The following UNC13C variants were observed in gnomAD, a reference collection of about 807,000 sequenced individuals.
UNC13C encodes protein unc-13 homolog C.
A neutral mutation model predicts 245.4 loss-of-function variants in UNC13C; 174 were observed. The observed-to-expected ratio is 0.71, with a 90% CI of 0.63 to 0.80. UNC13C has a LOEUF of 0.80. UNC13C is among the 30% of genes least tolerant of loss of function. The probability of loss-of-function intolerance (pLI) is 0.00; values close to 1 mark genes in which losing one functional copy is unlikely to be tolerated. For synonymous variants in UNC13C, 992 were observed against 895.1 expected, an observed-to-expected ratio of 1.11 and a Z score of -1.93; for missense variants, 2,829 against 2,602.9, an observed-to-expected ratio of 1.09 and a Z score of -1.89.
In UNC13C at chr15:54,450,757, C is replaced by T. The variant is rs189440430; in HGVS notation, c.4933+35690C>T. On this transcript the variant is annotated intron_variant, in intron 19 of 32. Coordinates refer to ENST00000260323, the MANE Select transcript of UNC13C (RefSeq NM_001080534.3). ...GCCTTGCCCTGCTTCAGCTCACGCT[C>T]GGTGCACTGCGCCCACTGTCCTGCC... Among the ~76,000 whole-genome samples, 214 of 152,274 alleles carry T rather than the reference C, an allele frequency of 1.4e-3. 1 individual carries two copies. The highest frequency in any genetic ancestry group is 4.6e-3 in the African/African-American group (190 of 41,554).
intron 19 of UNC13C, among the ~76,000 whole-genome samples, chr15:54,484,432 A>G (rs74649793): frequency 0.03 from 4,508 of 152,334 alleles, 177 homozygotes; most frequent in Admixed American, 0.12. Context: ...ATGTTATTTT[A>G]AAACCATGAG....
At chr15:54,139,962 TA>T (rs1381147861) in intron 2 of UNC13C, among the ~76,000 whole-genome samples, 1 of 152,154 alleles carries the variant, frequency 6.6e-6, no homozygotes, top group Non-Finnish European at 1.5e-5. Flanking sequence ...TTGTCTTTAA[TA>T]AAAAATGTTT....
chr15:53,885,393 C>T, the UNC13C span, among the ~76,000 whole-genome samples: 2 of 152,194 alleles, frequency 1.3e-5, no homozygotes, highest in South Asian at 4.1e-4. Context: ...GACCCTTATT[C>T]CAGAGGGGTT....
intron 30 of UNC13C, among the ~76,000 whole-genome samples, chr15:54,590,229 T>C (rs989256133): frequency 6.6e-6 from 1 of 152,192 alleles, no homozygotes; most frequent in Non-Finnish European, 1.5e-5. Context: ...GTGGGATGCC[T>C]CCAGATTTGT....
intron 17 of UNC13C, among the ~76,000 whole-genome samples, chr15:54,357,464 G>A (rs534244863): frequency 6.6e-6 from 1 of 151,960 alleles, no homozygotes; most frequent in South Asian, 2.1e-4. Context: ...GTTAAGCTCA[G>A]CTTTAGGAAA....
intron 2 of UNC13C, among the ~76,000 whole-genome samples, chr15:54,031,138 C>T (rs1313840546): frequency 6.6e-6 from 1 of 152,078 alleles, no homozygotes; most frequent in Non-Finnish European, 1.5e-5. Flanking sequence ...AACTGATTTT[C>T]AGTTGATAAG....
Position 54,252,532 on chromosome 15 carries a change from G to A in UNC13C, c.3448+2088G>A, listed in dbSNP as rs576761666. Reference sequence around the variant, plus strand: ...ACACTCTCATATTGATCAGAAAGAGGTCCTACAAGTATGTATACTTAACTT... The same window carrying A: ...ACACTCTCATATTGATCAGAAAGAGATCCTACAAGTATGTATACTTAACTT... On this transcript the variant is annotated intron_variant, in intron 8 of 32. Transcript: ENST00000260323. 6.6e-5 allele frequency among the ~76,000 whole-genome samples: 10 copies of A among 152,100 alleles called. No individual in the cohort carries two copies. The South Asian group carries it at 2.1e-3, about 32-fold the overall frequency.
chr15:54,046,743 G>GA (rs1197780100), intron 2 of UNC13C, among the ~76,000 whole-genome samples: 9 of 151,084 alleles, frequency 6.0e-5, no homozygotes, highest in Non-Finnish European at 1.3e-4. Flanking sequence ...TAACAATATA[G>GA]AAAATATATA....
intron 19 of UNC13C, among the ~76,000 whole-genome samples, chr15:54,451,800 G>T (rs1051809998): frequency 4.6e-5 from 7 of 151,808 alleles, no homozygotes; most frequent in Non-Finnish European, 1.0e-4. Context: ...GAATTATTGT[G>T]TTTTTTTGGA....
intron 26 of UNC13C, among the ~76,000 whole-genome samples, chr15:54,544,039 A>C (rs1299764420): frequency 6.6e-6 from 1 of 152,178 alleles, no homozygotes; most frequent in Non-Finnish European, 1.5e-5. Context: ...CGATGCAAAA[A>C]TCCTCAATAA....
chr15:53,840,788 G>A, the UNC13C span, among the ~76,000 whole-genome samples: 1 of 152,126 alleles, frequency 6.6e-6, no homozygotes, highest in Non-Finnish European at 1.5e-5. Context: ...AGGATTCCAT[G>A]ATTACTCATA....
intron 19 of UNC13C, among the ~76,000 whole-genome samples, chr15:54,417,681 A>G (rs1246917229): frequency 1.3e-5 from 2 of 152,126 alleles, no homozygotes; most frequent in Admixed American, 6.5e-5. Flanking sequence ...GACATTTTCA[A>G]TTATATGAGA....
At chr15:54,233,316 T>C (rs560206548) in intron 4 of UNC13C, among the ~76,000 whole-genome samples, 11 of 152,276 alleles carry the variant, frequency 7.2e-5, no homozygotes, top group African/African-American at 2.6e-4. Flanking sequence ...TTCTCTCTTT[T>C]CTTCCATCTT....
the UNC13C span, among the ~76,000 whole-genome samples, chr15:53,951,082 A>G: frequency 3.3e-5 from 5 of 152,188 alleles, no homozygotes; most frequent in Non-Finnish European, 7.4e-5. Flanking sequence ...GTAAATTCAT[A>G]TTTTTAGGAC....
chr15:54,284,928 A>G (rs2037102602), intron 10 of UNC13C, among the ~76,000 whole-genome samples: 2 of 152,170 alleles, frequency 1.3e-5, no homozygotes, highest in South Asian at 4.1e-4. Flanking sequence ...AGAAATTATT[A>G]GATATAAACA....
chr15:54,349,186 C>A (rs1470693741), intron 17 of UNC13C, among the ~76,000 whole-genome samples: 1 of 149,360 alleles, frequency 6.7e-6, no homozygotes, highest in African/African-American at 2.4e-5. Context: ...AAGAAAATTT[C>A]TTTTTAAATG....
At chr15:53,990,556 T>A (rs955837092) in intron 1 of UNC13C, among the ~76,000 whole-genome samples, 1 of 152,030 alleles carries the variant, frequency 6.6e-6, no homozygotes, top group African/African-American at 2.4e-5. Flanking sequence ...TTTTCGGTAG[T>A]GATAGATGCA....
chr15:53,962,793 G>A, the UNC13C span, among the ~76,000 whole-genome samples: 1 of 152,270 alleles, frequency 6.6e-6, no homozygotes, highest in Admixed American at 6.5e-5. Context: ...GAATCACAGA[G>A]GTAAGCCTCT....
At chr15:54,227,496 C>A (rs113108113) in intron 4 of UNC13C, among the ~76,000 whole-genome samples, 1 of 151,530 alleles carries the variant, frequency 6.6e-6, no homozygotes, top group South Asian at 2.1e-4. Context: ...CCTGCAGCAC[C>A]CCCTCCCTCC....
Sources: allele counts gnomAD v4.1 joint callset (sites outside exome capture counted in the v4.1 genomes callset), GRCh38; gene constraint gnomAD v4.1.1; transcripts MANE v1.5; gene names NCBI Gene and HGNC (gene_info 2026-07-23, HGNC 2026-07-21).